Variants in ADAMTS6 observed in about 807,000 individuals in gnomAD.
The protein encoded by ADAMTS6 is A disintegrin and metalloproteinase with thrombospondin motifs 6.
Under a neutral mutation model 144.3 loss-of-function variants are expected in ADAMTS6, and 23 were observed. The observed-to-expected ratio is 0.16, with a 90% confidence interval of 0.11 to 0.23. The LOEUF is 0.23. ADAMTS6 is among the 10% of genes least tolerant of loss of function. The pLI is 1.00. For synonymous variants in ADAMTS6, 444 were observed against 457.5 expected (o/e 0.97, Z 0.38); for missense variants, 999 against 1,379.6 (o/e 0.72, Z 4.37).
intron 14 of ADAMTS6, among the ~76,000 whole-genome samples, chr5:65,244,344 A>T (rs1453698499): frequency 6.6e-6 from 1 of 152,166 alleles, no homozygotes; most frequent in African/African-American, 2.4e-5. Context: ...ACCTTGAATT[A>T]AAAAACTAAG....
At chr5:65,378,618 C>T (rs886830541) in intron 7 of ADAMTS6, among the ~76,000 whole-genome samples, 1 of 152,108 alleles carries the variant, frequency 6.6e-6, no homozygotes, top group African/African-American at 2.4e-5. Context: ...GATTTTCATC[C>T]CCCTAAAGAA....
At position 65,280,279 on chromosome 5, in the gene ADAMTS6, T is replaced by C. The variant is rs565956466; in HGVS notation, c.1513-6832A>G. 1.2e-4 allele frequency among the ~76,000 whole-genome samples: 18 copies of C among 152,348 alleles called. No homozygotes were observed. In the East Asian group the frequency reaches 3.5e-3, roughly 29 times the overall value. On this transcript the variant is annotated intron_variant, in intron 11 of 24. Transcript: ENST00000381055. ...GGCTTTTGAGGACATTTGCCTCCAA[T>C]AGAAACCTCTTTCATAAAAATTAAG...
intron 24 of ADAMTS6, among the ~76,000 whole-genome samples, chr5:65,163,441 A>T (rs1001851717): frequency 2.0e-5 from 3 of 152,210 alleles, no homozygotes; most frequent in Admixed American, 2.0e-4. Context: ...AATTATGTGT[A>T]TAATAAGTGC....
chr5:65,295,887 A>T (rs1742788250), intron 10 of ADAMTS6, among the ~76,000 whole-genome samples: 1 of 152,068 alleles, frequency 6.6e-6, no homozygotes, highest in African/African-American at 2.4e-5. Context: ...TAATTTAGAG[A>T]GGTCTTATTT....
rs1320625285 is a variant in ADAMTS6, at chr5:65,167,645, G to C, written c.3244+2972C>G. Among the ~76,000 whole-genome samples the C allele has an allele frequency of 1.9e-3, 244 of 128,766 alleles. 3 individuals carry two copies. The highest frequency in any genetic ancestry group is 7.0e-3 in the African/African-American group (236 of 33,932). The allele number at this position is 128,766 out of a possible 152,430, so 84.5% of individuals were successfully genotyped here. A position where few individuals can be genotyped will look rare whatever the true frequency, so the allele number is the denominator to read the frequency against. On this transcript the variant is annotated intron_variant, in intron 24 of 24. Coordinates refer to ENST00000381055, the MANE Select transcript of ADAMTS6 (RefSeq NM_197941.4). ...TGCAAAAATCCTCAATAAAATACTG[G>C]CAAACCGAATCCAGCAGCACATCAA...
At position 65,162,657 on chromosome 5, in the gene ADAMTS6, A is replaced by G. The variant is rs1349189426; in HGVS notation, c.3244+7960T>C. Among the ~76,000 whole-genome samples the G allele has an allele frequency of 2.1e-5, 3 of 143,234 alleles. No individual in the cohort carries two copies. In the East Asian group the frequency reaches 6.1e-4, roughly 29 times the overall value. The allele number at this position is 143,234 out of a possible 152,430, so 94.0% of individuals were successfully genotyped here. On this transcript the variant is annotated intron_variant, in intron 24 of 24. Transcript: ENST00000381055. ...CACACACACACACACACACACACAC[A>G]CACTTGCAGAGAGAGATCTATTTGT...
rs776905864 is a variant in ADAMTS6, at chr5:65,188,115, C to T, written c.2811G>A (p.Thr937=). 18 of 1,614,056 alleles carry T rather than the reference C, an allele frequency of 1.1e-5. No individual in the cohort carries two copies. The highest frequency in any genetic ancestry group is 6.7e-5 in the Admixed American group (4 of 60,004). Reference sequence around the variant, plus strand: ...GTGTTAAACAACCACTGTAGTCCAGCGTCTCCTCCTCAGAAGGTCCGATCT... The same window carrying T: ...GTGTTAAACAACCACTGTAGTCCAGTGTCTCCTCCTCAGAAGGTCCGATCT... ...IRKIGPSEEE[T]LDYSGCLTHR... is the part of the protein sequence containing the mutation. The change falls in exon 22 of 25, where the codon ACG becomes ACA. Residue 937 remains threonine (T), a synonymous_variant. Coordinates refer to ENST00000381055, the MANE Select transcript of ADAMTS6 (RefSeq NM_197941.4).
chr5:65,431,076 G>T (rs1040507432), intron 7 of ADAMTS6, among the ~76,000 whole-genome samples: 1 of 152,166 alleles, frequency 6.6e-6, no homozygotes, highest in East Asian at 1.9e-4. Context: ...TTTGTTGAGT[G>T]TCTCAATGAA....
rs562303548 is a variant in ADAMTS6, at chr5:65,275,359, G to C, written c.1513-1912C>G. 7.7e-3 allele frequency among the ~76,000 whole-genome samples: 253 copies of C among 32,794 alleles called. 1 individual carries two copies. The highest frequency in any genetic ancestry group is 0.027 in the African/African-American group (238 of 8,668). The allele number at this position is 32,794 out of a possible 152,430, so 21.5% of individuals were successfully genotyped here. A position where few individuals can be genotyped will look rare whatever the true frequency, so the allele number is the denominator to read the frequency against. On this transcript the variant is annotated intron_variant, in intron 11 of 24. Coordinates refer to ENST00000381055, the MANE Select transcript of ADAMTS6 (RefSeq NM_197941.4). ...GAAATGAAGAAAGAAAGAAGAGAAAGAAAGAAAGAAAGAAAGAAAGAAAGA... is the reference window on the plus strand; with the variant it reads ...GAAATGAAGAAAGAAAGAAGAGAAACAAAGAAAGAAAGAAAGAAAGAAAGA...
chr5:65,445,193 T>C (rs1431879393), intron 7 of ADAMTS6, among the ~76,000 whole-genome samples: 6 of 152,202 alleles, frequency 3.9e-5, no homozygotes, highest in African/African-American at 1.2e-4. Context: ...GGAAATAGCA[T>C]CTTCTTGTTT....
At chr5:65,164,083 A>G (rs1752974715) in intron 24 of ADAMTS6, among the ~76,000 whole-genome samples, 1 of 152,174 alleles carries the variant, frequency 6.6e-6, no homozygotes, top group South Asian at 2.1e-4. Context: ...TGAGCGACGC[A>G]GAAGACGGGT....
At chr5:65,203,967 G>A (rs560862488) in intron 20 of ADAMTS6, among the ~76,000 whole-genome samples, 1 of 152,258 alleles carries the variant, frequency 6.6e-6, no homozygotes, top group African/African-American at 2.4e-5. Context: ...GACTGAATAT[G>A]TATCCAAACC....
intron 11 of ADAMTS6, among the ~76,000 whole-genome samples, chr5:65,276,102 T>C (rs1256965420): frequency 2.6e-5 from 4 of 152,190 alleles, no homozygotes; most frequent in Non-Finnish European, 5.9e-5. Flanking sequence ...AACTTTATTT[T>C]CCAAAAGTGC....
chr5:65,239,806 G>A (rs1759011269), intron 15 of ADAMTS6, among the ~76,000 whole-genome samples: 1 of 152,162 alleles, frequency 6.6e-6, no homozygotes, highest in Admixed American at 6.5e-5. Flanking sequence ...AAATTTCACT[G>A]AAATACCACT....
Position 65,349,641 on chromosome 5 carries a change from G to T in ADAMTS6, c.1074-15556C>A, listed in dbSNP as rs546933840. 5.6e-4 allele frequency among the ~76,000 whole-genome samples: 85 copies of T among 152,100 alleles called. 1 individual carries two copies. The highest frequency in any genetic ancestry group is 1.9e-3 in the African/African-American group (79 of 41,514). ...AGGCCGAGGTGGGTGGATCAGCTGAGGTCAGGAGTTCGAGACCAGCCTGGC... is the reference window on the plus strand; with the variant it reads ...AGGCCGAGGTGGGTGGATCAGCTGATGTCAGGAGTTCGAGACCAGCCTGGC... On this transcript the variant is annotated intron_variant, in intron 7 of 24. Coordinates refer to ENST00000381055, the MANE Select transcript of ADAMTS6 (RefSeq NM_197941.4).
chr5:65,470,942 A>G lies in ADAMTS6; in HGVS notation c.298T>C (p.Leu100=). The part of the protein sequence containing the change: ...SAYGKHFHLN[L]TLNTDFVSKH... ...GACACAAAATCTGTGTTGAGAGTCA[A>G]GTTTAGATGAAAGTGCTTGCCATAG... The change falls in exon 3 of 25, where the codon TTG becomes CTG. Residue 100 remains leucine, a synonymous_variant. Coordinates refer to ENST00000381055, the MANE Select transcript of ADAMTS6 (RefSeq NM_197941.4). 1.2e-6 allele frequency: 2 copies of G among 1,613,036 alleles called. No homozygotes were observed. The highest frequency in any genetic ancestry group is 1.7e-6 in the Non-Finnish European group (2 of 1,179,614).
intron 21 of ADAMTS6, among the ~76,000 whole-genome samples, chr5:65,188,754 G>C: frequency 6.6e-6 from 1 of 152,174 alleles, no homozygotes; most frequent in East Asian, 1.9e-4. Flanking sequence ...ACCAATACTA[G>C]CTGGCTCCAG....
intron 8 of ADAMTS6, among the ~76,000 whole-genome samples, chr5:65,332,941 A>C (rs1253721704): frequency 2.0e-5 from 3 of 152,150 alleles, no homozygotes; most frequent in African/African-American, 7.2e-5. Flanking sequence ...ATAAATCCTA[A>C]GGGAAATGGG....
chr5:65,225,107 T>A (rs536727982), intron 16 of ADAMTS6, 60 bp from the exon 17 acceptor site: 20 of 1,540,616 alleles, frequency 1.3e-5, no homozygotes, highest in Middle Eastern at 1.7e-4. Flanking sequence ...TCATAACTAA[T>A]GAAATACATA....
Sources: allele counts gnomAD v4.1 joint callset (sites outside exome capture counted in the v4.1 genomes callset), GRCh38; gene constraint gnomAD v4.1.1; transcripts MANE v1.5; gene names NCBI Gene and HGNC (gene_info 2026-07-23, HGNC 2026-07-21).